Variants in PPP3CC observed in about 807,000 individuals in gnomAD.
PPP3CC encodes protein phosphatase 3 catalytic subunit gamma.
A neutral mutation model predicts 60.3 loss-of-function variants in PPP3CC; 35 were observed. That is an observed-to-expected ratio of 0.58 (90% CI 0.44 to 0.77). The LOEUF is 0.77. Ranked by LOEUF, PPP3CC falls within the 30% of genes least tolerant of loss-of-function variation. PPP3CC has a pLI of 0.00. For missense variants in PPP3CC, 570 were observed against 628.9 expected (o/e 0.91, Z 1.00); for synonymous variants, 206 against 224.3 (o/e 0.92, Z 0.73).
At chr8:22,510,087 G>A (rs1839040216) in intron 4 of PPP3CC, among the ~76,000 whole-genome samples, 1 of 151,750 alleles carries the variant, frequency 6.6e-6, no homozygotes, top group South Asian at 2.1e-4. Context: ...GGGAGGCTGA[G>A]GCAGAAGAAT....
intron 3 of PPP3CC, chr8:22,492,619 GAAAC>G (rs1463920321): frequency 1.7e-6 from 1 of 590,794 alleles, no homozygotes; most frequent in East Asian, 3.3e-5. Context: ...CTGAGAAGAT[GAAAC>G]AAACAGTTAT....
At chr8:22,513,532 G>C in intron 6 of PPP3CC, 100 bp downstream of exon 6, 1 of 1,299,240 alleles carries the variant, frequency 7.7e-7, no homozygotes, top group South Asian at 1.9e-5. Flanking sequence ...TGTAGTATAA[G>C]CACTCCTGTT....
chr8:22,491,472 A>T (rs1490549714), intron 3 of PPP3CC, among the ~76,000 whole-genome samples: 1 of 152,158 alleles, frequency 6.6e-6, no homozygotes, highest in Non-Finnish European at 1.5e-5. Flanking sequence ...CAGCTCTTGC[A>T]CTCACTCTTA....
In PPP3CC at chr8:22,441,209, G is replaced by A. The variant is rs1836654853; in HGVS notation, c.-201G>A. The A allele has an allele frequency of 8.8e-6, 4 of 456,098 alleles. No homozygotes were observed. The highest frequency in any genetic ancestry group is 4.1e-5 in the African/African-American group (2 of 48,554). 28.3% of individuals were successfully genotyped at this position (456,098 alleles called of 1,614,324 possible). ...CGCCTCCCAAGAGAGCGGCCGGTGG[G>A]CCCTCGTCCTGTCAGTGGCGTCGGA... On this transcript the variant is annotated 5_prime_UTR_variant, in exon 1 of 14. Coordinates refer to ENST00000240139, the MANE Select transcript of PPP3CC (RefSeq NM_005605.5).
rs778347485 is a variant in PPP3CC, at chr8:22,513,262, T to C, written c.631-31T>C. 6.9e-6 allele frequency: 11 copies of C among 1,598,062 alleles called. No individual in the cohort carries two copies. The East Asian group carries it at 2.5e-4, about 36-fold the overall frequency. On this transcript the variant is annotated intron_variant, in intron 5 of 13. Transcript: ENST00000240139. The stretch of plus-strand genomic sequence containing the variant: ...CCAAGAAGCCTTTTGCTCTCCTGAT[T>C]TTTTTCTTTTGGCTTTTGTGTGTCT...
chr8:22,454,634 C>T (rs1357681575), intron 1 of PPP3CC, among the ~76,000 whole-genome samples: 1 of 152,172 alleles, frequency 6.6e-6, no homozygotes, highest in African/African-American at 2.4e-5. Flanking sequence ...GATGTTAAGA[C>T]AGGTGAAAAC....
chr8:22,459,719 C>T (rs968407521), intron 1 of PPP3CC, among the ~76,000 whole-genome samples: 49 of 151,726 alleles, frequency 3.2e-4, no homozygotes, highest in Non-Finnish European at 1.2e-4. Flanking sequence ...TGTTTGTGAC[C>T]CCCCAGAATT....
At chr8:22,531,426 A>G (rs1466473795) in intron 10 of PPP3CC, 3 of 1,229,080 alleles carry the variant, frequency 2.4e-6, no homozygotes, top group East Asian at 5.1e-5. Context: ...AATTTCAGAA[A>G]GGCTCTCCAT....
chr8:22,503,354 G>T (rs911325504), intron 4 of PPP3CC, among the ~76,000 whole-genome samples: 1 of 152,108 alleles, frequency 6.6e-6, no homozygotes, highest in Non-Finnish European at 1.5e-5. Context: ...ATTAAATAAT[G>T]TGTATAAGTT....
intron 9 of PPP3CC, among the ~76,000 whole-genome samples, chr8:22,528,270 T>C (rs1225016947): frequency 6.6e-6 from 1 of 152,218 alleles, no homozygotes; most frequent in African/African-American, 2.4e-5. Context: ...ATCAAGTAAT[T>C]AGGCAATAGA....
At chr8:22,472,362 G>GC (rs1837749984) in intron 1 of PPP3CC, among the ~76,000 whole-genome samples, 1 of 57,744 alleles carries the variant, frequency 1.7e-5, no homozygotes, top group Admixed American at 1.7e-4. Flanking sequence ...TGGTAAAAAT[G>GC]AACACACACA....
chr8:22,506,470 A>G (rs1273587360), intron 4 of PPP3CC, among the ~76,000 whole-genome samples: 1 of 152,204 alleles, frequency 6.6e-6, no homozygotes, highest in East Asian at 1.9e-4. Context: ...AGAACAGTAC[A>G]TATATGCTAT....
intron 1 of PPP3CC, among the ~76,000 whole-genome samples, chr8:22,444,913 G>A (rs553657841): frequency 2.4e-4 from 37 of 152,150 alleles, no homozygotes; most frequent in Non-Finnish European, 4.0e-4. Flanking sequence ...TTCTTTGACA[G>A]TGATTTTTAT....
intron 9 of PPP3CC, among the ~76,000 whole-genome samples, chr8:22,528,221 A>G (rs556909073): frequency 1.3e-5 from 2 of 152,344 alleles, no homozygotes; most frequent in South Asian, 4.1e-4. Flanking sequence ...TCACGTGTGT[A>G]TCAGTGTGGG....
intron 1 of PPP3CC, among the ~76,000 whole-genome samples, chr8:22,442,751 C>G (rs531035047): frequency 2.0e-5 from 3 of 152,244 alleles, no homozygotes; most frequent in African/African-American, 7.2e-5. Flanking sequence ...TCTTAAGATT[C>G]AGAGTGTACT....
intron 1 of PPP3CC, among the ~76,000 whole-genome samples, chr8:22,448,579 G>C (rs550460511): frequency 6.6e-6 from 1 of 151,874 alleles, no homozygotes; most frequent in Non-Finnish European, 1.5e-5. Flanking sequence ...AGGTTTCTCC[G>C]TATTGGTCAG....
At chr8:22,522,154 C>T (rs538472984) in intron 6 of PPP3CC, among the ~76,000 whole-genome samples, 2 of 152,020 alleles carry the variant, frequency 1.3e-5, no homozygotes, top group Admixed American at 1.3e-4. Flanking sequence ...CACACACACA[C>T]ACACACACTA....
At chr8:22,462,854 C>T (rs1837403024) in intron 1 of PPP3CC, among the ~76,000 whole-genome samples, 1 of 152,158 alleles carries the variant, frequency 6.6e-6, no homozygotes, top group East Asian at 1.9e-4. Context: ...TGCACAGCAG[C>T]ATTTAAGACT....
rs566008370 is a variant in PPP3CC at position 22,449,438 on chromosome 8, A to AC, written c.49+7984dup. Among the ~76,000 whole-genome samples the AC allele has an allele frequency of 3.2e-3, 360 of 110,910 alleles. 3 individuals are homozygous for AC. The highest frequency in any genetic ancestry group is 0.013 in the African/African-American group (343 of 26,846). The allele number at this position is 110,910 out of a possible 152,430, so 72.8% of individuals were successfully genotyped here. A position where few individuals can be genotyped will look rare whatever the true frequency, so the allele number is the denominator to read the frequency against. ...CCACACTCCAGCCTGGGTGACTGAG[A>AC]CCCCATCTCAAAAAAAAAAAAAAAA... On this transcript the variant is annotated intron_variant, in intron 1 of 13. Coordinates refer to ENST00000240139, the MANE Select transcript of PPP3CC (RefSeq NM_005605.5).
Sources: allele counts gnomAD v4.1 joint callset (sites outside exome capture counted in the v4.1 genomes callset), GRCh38; gene constraint gnomAD v4.1.1; transcripts MANE v1.5; gene names NCBI Gene and HGNC (gene_info 2026-07-23, HGNC 2026-07-21).